The following NLGN4Y variants were observed in gnomAD, a reference collection of about 807,000 sequenced individuals.
The protein encoded by NLGN4Y is neuroligin 4 Y-linked, also known as neuroligin-4, Y-linked.
Under a neutral mutation model 8.4 loss-of-function variants are expected in NLGN4Y, and 4 were observed. The observed-to-expected ratio is 0.48, with a 90% CI of 0.23 to 1.09. The LOEUF is 1.09. NLGN4Y is among the 50% of genes least tolerant of loss of function. The pLI, the probability that NLGN4Y is intolerant of heterozygous loss-of-function variation, is 0.19. For synonymous variants in NLGN4Y, 35 were observed against 75.6 expected (o/e 0.46, Z 2.78); for missense variants, 90 against 192.3 (o/e 0.47, Z 3.15).
intron 1 of NLGN4Y, among the ~76,000 whole-genome samples, chrY:14,594,376 C>T (rs931954985): frequency 3.0e-5 from 1 of 32,993 alleles, no homozygotes; most frequent in Non-Finnish European, 7.4e-5. Flanking sequence ...TTTAAAATGT[C>T]GTAGTAAACC....
At chrY:14,705,637 C>A in intron 2 of NLGN4Y, among the ~76,000 whole-genome samples, 1 of 33,499 alleles carries the variant, frequency 3.0e-5, no homozygotes, top group Non-Finnish European at 7.4e-5. Flanking sequence ...TCTTTACTGT[C>A]TTCACAATTT....
chrY:14,844,448 T>C lies in NLGN4Y; in HGVS notation c.*3186T>C. 1 of 37,052 alleles carries C rather than the reference T, an allele frequency of 2.7e-5. No individual in the cohort carries two copies. Among genetic ancestry groups the C allele is most frequent in the Non-Finnish European group, 6.4e-5 (1 of 15,626 alleles). The allele number at this position is 37,052 out of a possible 400,897, so 9.2% of individuals were successfully genotyped here. ...TGTGCATTCAGCCATCACGAACTTA[T>C]TTCACATTCACAGTAGCTCTAAGGG... On this transcript the variant is annotated 3_prime_UTR_variant, in exon 7 of 7. Transcript: ENST00000684976.
chrY:14,812,821 G>A (rs1029989152), intron 4 of NLGN4Y, among the ~76,000 whole-genome samples: 2 of 32,947 alleles, frequency 6.1e-5, no homozygotes, highest in East Asian at 1.6e-3. Context: ...AGGGTTTCTG[G>A]TGTCTGAAAA....
chrY:14,587,735 G>A (rs2080346308), intron 1 of NLGN4Y, among the ~76,000 whole-genome samples: 1 of 32,781 alleles, frequency 3.1e-5, no homozygotes, highest in South Asian at 7.2e-4. Flanking sequence ...TGACAATGTG[G>A]ATGTTCCTTT....
At chrY:14,829,325 G>T in intron 5 of NLGN4Y, among the ~76,000 whole-genome samples, 1 of 33,600 alleles carries the variant, frequency 3.0e-5, no homozygotes. Context: ...CTAGTTTAAG[G>T]CCTGTTTTTT....
intron 2 of NLGN4Y, among the ~76,000 whole-genome samples, chrY:14,634,914 T>C (rs963823276): frequency 2.9e-5 from 1 of 34,020 alleles, no homozygotes; most frequent in Non-Finnish European, 7.3e-5. Flanking sequence ...AGGTTTGTCT[T>C]TGGGTAAGTC....
intron 1 of NLGN4Y, among the ~76,000 whole-genome samples, chrY:14,586,461 G>C: frequency 3.0e-5 from 1 of 33,478 alleles, no homozygotes; most frequent in Non-Finnish European, 7.4e-5. Flanking sequence ...AAAACGTTCT[G>C]AAGAAACTCA....
At chrY:14,738,085 C>T (rs2150561539) in intron 4 of NLGN4Y, among the ~76,000 whole-genome samples, 1 of 31,785 alleles carries the variant, frequency 3.1e-5, no homozygotes, top group South Asian at 6.8e-4. Context: ...GCTTGCTTGG[C>T]GTATGGTAAA....
intron 4 of NLGN4Y, among the ~76,000 whole-genome samples, chrY:14,808,845 G>A (rs2150586707): frequency 2.9e-5 from 1 of 33,968 alleles, no homozygotes; most frequent in South Asian, 6.5e-4. Context: ...TAGATCTTGA[G>A]GACTTCATAT....
chrY:14,576,623 G>A (rs938177347), intron 1 of NLGN4Y, among the ~76,000 whole-genome samples: 1 of 33,255 alleles, frequency 3.0e-5, no homozygotes, highest in Non-Finnish European at 7.4e-5. Flanking sequence ...GATGAACCCC[G>A]TACCTCAGTT....
At chrY:14,834,287 A>G (rs2043189887) in intron 6 of NLGN4Y, among the ~76,000 whole-genome samples, 1 of 33,376 alleles carries the variant, frequency 3.0e-5, no homozygotes, top group Non-Finnish European at 7.4e-5. Flanking sequence ...GGGTGCTTCT[A>G]GCTTTTGTGA....
In NLGN4Y at chrY:14,840,607, A is replaced by G. The variant is rs780572451; in HGVS notation, c.1856A>G (p.Asn619Ser). Residue 619 changes from asparagine (N) to serine (S), a missense_variant, in exon 7 of 7, where the codon AAC (asparagine) becomes AGC (serine). This residue lies in a region of NLGN4Y where 37 missense variants were observed against 94.0 expected (regional missense o/e 0.39). Coordinates refer to ENST00000684976, the MANE Select transcript of NLGN4Y (RefSeq NM_001365588.1). Reference sequence around the variant, plus strand: ...TTGGAATTGGTTCCTCATTTGCACAACTTGAACGAGATATTCCAGTATGTT... The same window carrying G: ...TTGGAATTGGTTCCTCATTTGCACAGCTTGAACGAGATATTCCAGTATGTT... Reference protein sequence around the residue: ...FWLELVPHLHNLNEIFQYVST... With the variant: ...FWLELVPHLHSLNEIFQYVST... The G allele has an allele frequency of 2.5e-6, 1 of 398,862 alleles. No homozygotes were observed. The highest frequency in any genetic ancestry group is 7.4e-5 in the Admixed American group (1 of 13,483).
At chrY:14,599,786 C>T in intron 1 of NLGN4Y, among the ~76,000 whole-genome samples, 1 of 32,940 alleles carries the variant, frequency 3.0e-5, no homozygotes, top group Non-Finnish European at 7.4e-5. Context: ...CTTTACTTTG[C>T]TCTTGTGTCA....
intron 2 of NLGN4Y, among the ~76,000 whole-genome samples, chrY:14,691,555 T>G: frequency 3.0e-5 from 1 of 33,386 alleles, no homozygotes; most frequent in African/African-American, 1.2e-4. Flanking sequence ...AGACAAAATA[T>G]CTGAATAAAA....
intron 2 of NLGN4Y, among the ~76,000 whole-genome samples, chrY:14,685,987 C>T: frequency 3.1e-5 from 1 of 32,653 alleles, no homozygotes; most frequent in African/African-American, 1.2e-4. Flanking sequence ...AAACTCTGCT[C>T]ATGGAGTATT....
chrY:14,822,025 T>C, intron 4 of NLGN4Y, among the ~76,000 whole-genome samples: 1 of 33,737 alleles, frequency 3.0e-5, no homozygotes, highest in Non-Finnish European at 7.3e-5. Flanking sequence ...GCAAAGGTGG[T>C]TTCAAGATGA....
chrY:14,610,280 C>G, intron 1 of NLGN4Y, among the ~76,000 whole-genome samples: 1 of 32,302 alleles, frequency 3.1e-5, no homozygotes, highest in Non-Finnish European at 7.6e-5. Flanking sequence ...TTGAATAGTT[C>G]TTTTAATTGC....
intron 2 of NLGN4Y, among the ~76,000 whole-genome samples, chrY:14,697,597 A>AT (rs1800729929): frequency 4.0e-5 from 1 of 25,077 alleles, no homozygotes; most frequent in African/African-American, 1.5e-4. Flanking sequence ...GATGAGAGAG[A>AT]TAGATAGATA....
At chrY:14,547,878 G>A in intron 1 of NLGN4Y, among the ~76,000 whole-genome samples, 1 of 32,892 alleles carries the variant, frequency 3.0e-5, no homozygotes, top group Non-Finnish European at 7.4e-5. Flanking sequence ...GCATTGGAAG[G>A]ATGATACTGA....
Sources: allele counts gnomAD v4.1 joint callset (sites outside exome capture counted in the v4.1 genomes callset), GRCh38; gene constraint gnomAD v4.1.1; regional missense constraint gnomAD v4.1.1; transcripts MANE v1.5; gene names NCBI Gene and HGNC (gene_info 2026-07-23, HGNC 2026-07-21).